The following RGS7 variants were observed in gnomAD, a reference collection of about 807,000 sequenced individuals.
The protein encoded by RGS7 is regulator of G-protein signaling 7.
RGS7 carries 27 observed loss-of-function variants against 81.1 expected under a neutral mutation model. That is an observed-to-expected ratio of 0.33 (90% CI 0.25 to 0.46). The LOEUF (loss-of-function observed/expected upper bound fraction) is 0.46. Among genes scored for constraint, RGS7 ranks in the 20% least tolerant of loss-of-function variants. The pLI is 1.00. For missense variants in RGS7, 396 were observed against 607.4 expected (o/e 0.65, Z 3.66); for synonymous variants, 208 against 207.7 (o/e 1.00, Z -0.01).
intron 2 of RGS7, among the ~76,000 whole-genome samples, chr1:241,215,205 T>C (rs1240475349): frequency 6.6e-6 from 1 of 152,214 alleles, no homozygotes; most frequent in African/African-American, 2.4e-5. Context: ...ACCCTGACTA[T>C]GCTGAGACTT....
At chr1:241,274,630 C>T (rs1262148076) in intron 2 of RGS7, among the ~76,000 whole-genome samples, 1 of 152,140 alleles carries the variant, frequency 6.6e-6, no homozygotes, top group South Asian at 2.1e-4. Flanking sequence ...GGAAAACACA[C>T]AAATTAAGTT....
intron 15 of RGS7, among the ~76,000 whole-genome samples, chr1:240,804,138 A>G (rs1688454394): frequency 6.6e-6 from 1 of 152,176 alleles, no homozygotes; most frequent in African/African-American, 2.4e-5. Context: ...GGATAAATAT[A>G]GGCCAACTTT....
intron 5 of RGS7, 105 bp from the exon 6 acceptor site, chr1:240,930,873 G>A: frequency 2.7e-6 from 3 of 1,125,820 alleles, no homozygotes; most frequent in Non-Finnish European, 4.1e-6. Context: ...ATATTAGTTT[G>A]CTATATGTTT....
At chr1:241,068,236 G>GTGTGTGTGTGTGTGTGTGTGTA (rs1553407884) in intron 3 of RGS7, among the ~76,000 whole-genome samples, 2 of 8,686 alleles carry the variant, frequency 2.3e-4, no homozygotes, top group Admixed American at 3.8e-3. Context: ...GTGTGTGTGT[G>GTGTGTGTGTGTGTGTGTGTGTA]TGTATATATA....
At chr1:240,903,968 G>A (rs918970572) in intron 6 of RGS7, among the ~76,000 whole-genome samples, 5 of 152,160 alleles carry the variant, frequency 3.3e-5, no homozygotes, top group African/African-American at 1.2e-4. Flanking sequence ...CTGCAGAACT[G>A]TGAGCCAAAT....
At chr1:241,092,675 G>C (rs968705941) in intron 3 of RGS7, among the ~76,000 whole-genome samples, 1 of 152,158 alleles carries the variant, frequency 6.6e-6, no homozygotes, top group Non-Finnish European at 1.5e-5. Context: ...TAGAGCACTT[G>C]TTCAAAGCCA....
intron 2 of RGS7, among the ~76,000 whole-genome samples, chr1:241,099,770 C>T (rs915385211): frequency 2.6e-5 from 4 of 152,166 alleles, no homozygotes; most frequent in African/African-American, 9.7e-5. Flanking sequence ...TAACTCTACA[C>T]CAGACATATG....
intron 2 of RGS7, among the ~76,000 whole-genome samples, chr1:241,173,900 C>T (rs1399032235): frequency 1.3e-5 from 2 of 152,202 alleles, no homozygotes; most frequent in Admixed American, 6.5e-5. Context: ...CCCCATATTC[C>T]CATTCTTCCA....
chr1:240,970,053 T>C (rs1175537662), intron 4 of RGS7, among the ~76,000 whole-genome samples: 1 of 152,216 alleles, frequency 6.6e-6, no homozygotes, highest in Admixed American at 6.5e-5. Context: ...TGATGCTCAG[T>C]AAATGTGAGC....
At chr1:241,200,844 C>CT (rs2073446276) in intron 2 of RGS7, among the ~76,000 whole-genome samples, 1 of 152,200 alleles carries the variant, frequency 6.6e-6, no homozygotes, top group Non-Finnish European at 1.5e-5. Flanking sequence ...TTTCTCACTG[C>CT]ACTTTCTCAT....
chr1:240,919,180 C>T (rs1242759138), intron 6 of RGS7, among the ~76,000 whole-genome samples: 2 of 152,174 alleles, frequency 1.3e-5, no homozygotes, highest in East Asian at 3.9e-4. Flanking sequence ...ATACTCCGTA[C>T]AATCTCTTCC....
intron 5 of RGS7, among the ~76,000 whole-genome samples, chr1:240,932,876 C>CTTTTTTTTTTT (rs36194238): frequency 1.0e-4 from 6 of 57,294 alleles, no homozygotes; most frequent in Non-Finnish European, 1.9e-4. Context: ...TGGTATCTTT[C>CTTTTTTTTTTT]TTTTTTTTTT....
chr1:241,127,730 A>C, intron 2 of RGS7, among the ~76,000 whole-genome samples: 1 of 152,250 alleles, frequency 6.6e-6, no homozygotes, highest in Non-Finnish European at 1.5e-5. Context: ...TTTCCATTTT[A>C]TCAATTGAAA....
At chr1:240,934,115 C>A (rs1377575883) in intron 5 of RGS7, among the ~76,000 whole-genome samples, 1 of 152,152 alleles carries the variant, frequency 6.6e-6, no homozygotes, top group Non-Finnish European at 1.5e-5. Flanking sequence ...AGGCACGCAC[C>A]ATCACATCCA....
At chr1:241,284,953 C>T (rs1173564182) in intron 2 of RGS7, among the ~76,000 whole-genome samples, 1 of 152,154 alleles carries the variant, frequency 6.6e-6, no homozygotes, top group Non-Finnish European at 1.5e-5. Context: ...TCAGTGCAAG[C>T]TCCGCCTCCC....
At position 240,868,116 on chromosome 1, in the gene RGS7, AG is replaced by A. The variant is rs1157751090; in HGVS notation, c.609+470del. On this transcript the variant is annotated intron_variant, in intron 9 of 18. Coordinates refer to ENST00000440928, the MANE Select transcript of RGS7 (RefSeq NM_001364886.1). The surrounding 1 kb of genome is among the most constrained non-coding windows in gnomAD (Gnocchi z 5.1). ...AGAAAAGAAAAAGAAAGAAAAGAAA[AG>A]GAAAGAAAGAAAGAAAGAAAGAAAG... Among the ~76,000 whole-genome samples the A allele has an allele frequency of 2.9e-5, 2 of 69,334 alleles. No homozygotes were observed. The highest frequency in any genetic ancestry group is 5.8e-5 in the African/African-American group (1 of 17,244). 45.5% of individuals were successfully genotyped at this position (69,334 alleles called of 152,430 possible). A position where few individuals can be genotyped will look rare whatever the true frequency, so the allele number is the denominator to read the frequency against.
In RGS7 at chr1:240,960,217, CT is replaced by C. The variant is rs750366747; in HGVS notation, c.226+22861del. ...TTTTCTTCTTCTTCCTCTTCTTCTT[CT>C]TTTTTTTTTTTTTTTTGTTGTTGTT... On this transcript the variant is annotated intron_variant, in intron 4 of 18. Coordinates refer to ENST00000440928, the MANE Select transcript of RGS7 (RefSeq NM_001364886.1). 5.9e-3 allele frequency among the ~76,000 whole-genome samples: 53 copies of C among 8,962 alleles called. 2 individuals are homozygous for C. Among genetic ancestry groups the C allele is most frequent in the African/African-American group, 0.019 (50 of 2,668 alleles). The allele number at this position is 8,962 out of a possible 152,430, so 5.9% of individuals were successfully genotyped here.
chr1:240,834,789 G>A (rs191897411), intron 9 of RGS7, among the ~76,000 whole-genome samples: 1 of 152,208 alleles, frequency 6.6e-6, no homozygotes, highest in East Asian at 1.9e-4. Context: ...GAGATTACAG[G>A]CTTGAGCCAC....
At chr1:241,323,894 C>T (rs752005819) in intron 2 of RGS7, among the ~76,000 whole-genome samples, 2 of 152,152 alleles carry the variant, frequency 1.3e-5, no homozygotes, top group Non-Finnish European at 2.9e-5. Flanking sequence ...AAGGCCTAGG[C>T]AAATGGTAAT....
Sources: gnomAD v4.1 joint callset for allele counts (sites outside exome capture counted in the v4.1 genomes callset) on GRCh38, gnomAD v4.1.1 for gene constraint, Gnocchi (gnomAD v3.1) non-coding constraint, MANE v1.5 for transcripts, NCBI Gene and HGNC (gene_info 2026-07-23, HGNC 2026-07-21) for gene names.